KLHL5: variants seen among roughly 807,000 people sequenced by gnomAD.
KLHL5 encodes the protein kelch like family member 5, also known as kelch-like protein 5.
In KLHL5, 48 loss-of-function variants were observed where a neutral mutation model predicts 77.7. The observed-to-expected ratio is 0.62, with a 90% confidence interval of 0.49 to 0.79. The LOEUF is 0.79. Ranked by LOEUF, KLHL5 falls within the 30% of genes least tolerant of loss-of-function variation. KLHL5 has a pLI of 0.00. For synonymous variants in KLHL5, 260 were observed against 297.0 expected, an observed-to-expected ratio of 0.88 and a Z score of 1.28; for missense variants, 723 against 859.7, an observed-to-expected ratio of 0.84 and a Z score of 1.99.
Position 39,066,896 on chromosome 4 carries a change from T to A in KLHL5, c.383+3861T>A, listed in dbSNP as rs1290055871. ...GCTCAAGGTTAGTAAGTAAAATAGC[T>A]GCATTTTTTAAAAAGAAACTTTATT... On this transcript the variant is annotated intron_variant, in intron 1 of 10. Coordinates refer to ENST00000504108, the MANE Select transcript of KLHL5 (RefSeq NM_015990.5). 2.0e-5 allele frequency among the ~76,000 whole-genome samples: 3 copies of A among 152,210 alleles called. No homozygotes were observed. In the East Asian group the frequency reaches 5.8e-4, roughly 29 times the overall value.
At chr4:39,086,997 G>A (rs375715399) in intron 5 of KLHL5, among the ~76,000 whole-genome samples, 42 of 129,052 alleles carry the variant, frequency 3.3e-4, no homozygotes, top group Non-Finnish European at 1.9e-4. Context: ...TGCAACCTCC[G>A]CCTCCCCAGT....
intron 5 of KLHL5, among the ~76,000 whole-genome samples, chr4:39,091,099 G>A (rs564566531): frequency 1.1e-4 from 16 of 149,820 alleles, no homozygotes; most frequent in South Asian, 2.1e-4. Context: ...AGCAATTCTC[G>A]TACCTCAGCC....
At chr4:39,137,154 T>C in the KLHL5 span, among the ~76,000 whole-genome samples, 1 of 150,562 alleles carries the variant, frequency 6.6e-6, no homozygotes, top group South Asian at 2.1e-4. Context: ...ATAGAGATAA[T>C]AGATTAATAA....
At chr4:39,069,183 C>T (rs1718175202) in intron 1 of KLHL5, among the ~76,000 whole-genome samples, 1 of 152,052 alleles carries the variant, frequency 6.6e-6, no homozygotes, top group Non-Finnish European at 1.5e-5. Flanking sequence ...GCAAGCGACA[C>T]AAGTTGCACA....
chr4:39,105,616 A>G (rs1471236941), intron 7 of KLHL5, among the ~76,000 whole-genome samples: 2 of 151,334 alleles, frequency 1.3e-5, no homozygotes, highest in African/African-American at 4.9e-5. Context: ...TTATATATGT[A>G]TATTTTAATG....
chr4:39,073,747 C>T (rs566246341), intron 1 of KLHL5, among the ~76,000 whole-genome samples: 11 of 152,004 alleles, frequency 7.2e-5, no homozygotes, highest in South Asian at 4.1e-4. Context: ...TTGGTTCAAA[C>T]GATTCTCCTG....
At chr4:39,068,491 G>A (rs2109313539) in intron 1 of KLHL5, among the ~76,000 whole-genome samples, 2 of 151,100 alleles carry the variant, frequency 1.3e-5, no homozygotes, top group Admixed American at 1.3e-4. Flanking sequence ...GGTTCAAGGA[G>A]TTCATGAACC....
exon 1 of KLHL5, chr4:39,045,054 C>A: frequency 1.0e-6 from 1 of 994,180 alleles, no homozygotes; most frequent in Non-Finnish European, 1.2e-6. Flanking sequence ...GCCTGGCCGC[C>A]CCGGCCCGCC....
chr4:39,086,844 C>A, intron 5 of KLHL5, 117 bp downstream of exon 5: 1 of 658,236 alleles, frequency 1.5e-6, no homozygotes, highest in Non-Finnish European at 2.6e-6. Flanking sequence ...TAACAAAATT[C>A]TGCTTATGCT....
chr4:39,056,065 A>G (rs1716983935), intron 1 of KLHL5, among the ~76,000 whole-genome samples: 1 of 152,208 alleles, frequency 6.6e-6, no homozygotes, highest in Admixed American at 6.5e-5. Flanking sequence ...CTTAGTTTTC[A>G]GTCTACCATG....
At chr4:39,096,670 C>T in intron 5 of KLHL5, 22 bp from the exon 6 acceptor site, 1 of 1,559,314 alleles carries the variant, frequency 6.4e-7, no homozygotes, top group Non-Finnish European at 8.8e-7. Flanking sequence ...ATTCAGTATA[C>T]ATACCTACTA....
chr4:39,123,841 A>G lies in KLHL5; in HGVS notation c.*2775A>G, dbSNP rs1380639471. ...TATTCAACATTATACTAGAAGGTCTAGCCAGAGCAATTAGGCAAGAAAAAG... is the reference window on the plus strand; with the variant it reads ...TATTCAACATTATACTAGAAGGTCTGGCCAGAGCAATTAGGCAAGAAAAAG... On this transcript the variant is annotated 3_prime_UTR_variant, in exon 11 of 11. Coordinates refer to ENST00000504108, the MANE Select transcript of KLHL5 (RefSeq NM_015990.5). Among the ~76,000 whole-genome samples the G allele has an allele frequency of 6.6e-6, 1 of 152,200 alleles. No individual in the cohort carries two copies. The highest frequency in any genetic ancestry group is 1.5e-5 in the Non-Finnish European group (1 of 68,028).
At position 39,082,086 on chromosome 4, in the gene KLHL5, G is replaced by A; in HGVS notation, c.827G>A (p.Cys276Tyr). The change falls in exon 4 of 11, where the codon TGT (cysteine) becomes TAT (tyrosine). Residue 276 changes from cysteine to tyrosine, a missense_variant. Coordinates refer to ENST00000504108, the MANE Select transcript of KLHL5 (RefSeq NM_015990.5). ...ATGAAACAGCTTCATCCATCCAACT[G>A]TCTTGGAATTCGTTCTTTTGCTGAT... ...FLMKQLHPSN[C>Y]LGIRSFADAQ... 1.2e-6 allele frequency: 2 copies of A among 1,613,952 alleles called. No homozygotes were observed. Among genetic ancestry groups the A allele is most frequent in the South Asian group, 1.1e-5 (1 of 91,062 alleles).
chr4:39,080,370 TAAA>T (rs1429231675), intron 2 of KLHL5, among the ~76,000 whole-genome samples: 1 of 151,472 alleles, frequency 6.6e-6, no homozygotes. Context: ...CTACTAAAAA[TAAA>T]AAAATTAGCT....
chr4:39,060,747 A>G (rs956711326), upstream of KLHL5, among the ~76,000 whole-genome samples: 4 of 152,098 alleles, frequency 2.6e-5, no homozygotes, highest in Non-Finnish European at 5.9e-5. Context: ...GTTGATCAGA[A>G]GGAGTCTGAC....
chr4:39,106,807 G>A (rs1722069959), intron 7 of KLHL5, among the ~76,000 whole-genome samples: 1 of 151,980 alleles, frequency 6.6e-6, no homozygotes, highest in Admixed American at 6.6e-5. Context: ...CATCCGGGCT[G>A]GAGGTGTGAT....
At chr4:39,046,700 C>A (rs1195110349) in intron 1 of KLHL5, among the ~76,000 whole-genome samples, 1 of 152,184 alleles carries the variant, frequency 6.6e-6, no homozygotes, top group Non-Finnish European at 1.5e-5. Flanking sequence ...GGCGTATTTT[C>A]CTCCTGGGCC....
At chr4:39,113,486 T>A (rs190325324) in intron 9 of KLHL5, among the ~76,000 whole-genome samples, 1 of 152,286 alleles carries the variant, frequency 6.6e-6, no homozygotes, top group African/African-American at 2.4e-5. Flanking sequence ...AAGAGGAGCT[T>A]GATGAATTTT....
downstream of KLHL5, among the ~76,000 whole-genome samples, chr4:39,130,841 ATTC>A (rs1238017058): frequency 6.6e-6 from 1 of 151,576 alleles, no homozygotes; most frequent in African/African-American, 2.4e-5. Context: ...ATTACAAATA[ATTC>A]TTTTTTTTTT....
Sources: allele counts gnomAD v4.1 joint callset (sites outside exome capture counted in the v4.1 genomes callset), GRCh38; gene constraint gnomAD v4.1.1; transcripts MANE v1.5; gene names NCBI Gene and HGNC (gene_info 2026-07-23, HGNC 2026-07-21).